The following REV3L variants were observed in gnomAD, a reference collection of about 807,000 sequenced individuals.
The protein encoded by REV3L is DNA polymerase zeta catalytic subunit.
A neutral mutation model predicts 299.4 loss-of-function variants in REV3L; 69 were observed. The ratio of observed to expected loss-of-function variants is 0.23; its 90% CI spans 0.19 to 0.28. The LOEUF (loss-of-function observed/expected upper bound fraction) is 0.28, where lower values mean the gene tolerates loss of function less well. Ranked by LOEUF, REV3L falls within the 10% of genes least tolerant of loss-of-function variation. The probability of loss-of-function intolerance (pLI) is 1.00; values close to 1 mark genes in which losing one functional copy is unlikely to be tolerated. For missense variants in REV3L, 3,128 were observed against 3,693.8 expected (o/e 0.85, Z 3.97); for synonymous variants, 1,238 against 1,271.4 (o/e 0.97, Z 0.56).
intron 1 of REV3L, among the ~76,000 whole-genome samples, chr6:111,443,979 T>G (rs1315008721): frequency 6.6e-6 from 1 of 152,170 alleles, no homozygotes; most frequent in Non-Finnish European, 1.5e-5. Context: ...TTTTAAATAT[T>G]CCAAACCAAA....
intron 10 of REV3L, 114 bp from the exon 11 acceptor site, chr6:111,380,333 C>T (rs192945964): frequency 2.9e-6 from 2 of 698,224 alleles, no homozygotes; most frequent in Admixed American, 2.7e-5. Context: ...GATCTAGGCT[C>T]ACTGCAAGCT....
intron 9 of REV3L, among the ~76,000 whole-genome samples, chr6:111,386,154 A>G (rs1484082723): frequency 6.6e-6 from 1 of 152,218 alleles, no homozygotes; most frequent in African/African-American, 2.4e-5. Flanking sequence ...TCACTCTTCT[A>G]CATGTGTTTG....
At chr6:111,371,811 C>T (rs905161384) in intron 13 of REV3L, among the ~76,000 whole-genome samples, 3 of 151,842 alleles carry the variant, frequency 2.0e-5, no homozygotes, top group Non-Finnish European at 4.4e-5. Flanking sequence ...TGATCTGCCC[C>T]CCTCGGCCTC....
intron 1 of REV3L, among the ~76,000 whole-genome samples, chr6:111,472,717 T>A (rs1204769601): frequency 1.3e-5 from 2 of 152,216 alleles, no homozygotes; most frequent in Non-Finnish European, 2.9e-5. Flanking sequence ...CAAAGTATTT[T>A]TCATTTATAA....
At chr6:111,393,241 C>T (rs777463245) in intron 4 of REV3L, among the ~76,000 whole-genome samples, 3 of 152,044 alleles carry the variant, frequency 2.0e-5, no homozygotes, top group Non-Finnish European at 2.9e-5. Context: ...AGGATGGTCT[C>T]GATCTGACCT....
At chr6:111,389,289 T>C (rs920134968) in intron 6 of REV3L, 79 bp from the exon 7 acceptor site, 1 of 1,023,128 alleles carries the variant, frequency 9.8e-7, no homozygotes, top group Non-Finnish European at 1.5e-6. Context: ...CTTTAACAAA[T>C]ACTGCCTTTA....
chr6:111,437,317 T>C (rs1028039103), intron 1 of REV3L, among the ~76,000 whole-genome samples: 16 of 152,050 alleles, frequency 1.1e-4, no homozygotes, highest in Non-Finnish European at 1.9e-4. Flanking sequence ...TTCATAATGG[T>C]CAAAAGGTGA....
intron 3 of REV3L, among the ~76,000 whole-genome samples, chr6:111,410,541 C>T (rs1784141132): frequency 6.6e-6 from 1 of 152,094 alleles, no homozygotes; most frequent in Non-Finnish European, 1.5e-5. Context: ...TTTTGTACTC[C>T]ACGAATATGA....
At chr6:111,350,415 C>T (rs1203441095) in intron 19 of REV3L, among the ~76,000 whole-genome samples, 1 of 151,794 alleles carries the variant, frequency 6.6e-6, no homozygotes, top group Non-Finnish European at 1.5e-5. Context: ...GTTCTATTAT[C>T]CCTATTTTAC....
chr6:111,420,896 CT>C (rs1182485639), intron 1 of REV3L, among the ~76,000 whole-genome samples: 1 of 152,130 alleles, frequency 6.6e-6, no homozygotes, highest in African/African-American at 2.4e-5. Context: ...AATCCCAGCA[CT>C]TTGGGGGCTG....
intron 12 of REV3L, 73 bp from the exon 13 acceptor site, chr6:111,376,830 A>C: frequency 8.2e-7 from 1 of 1,213,144 alleles, no homozygotes; most frequent in Non-Finnish European, 1.1e-6. Context: ...CCACACCAAG[A>C]TATTAATGCT....
At chr6:111,330,567 C>T (rs904587216) in intron 24 of REV3L, among the ~76,000 whole-genome samples, 2 of 152,106 alleles carry the variant, frequency 1.3e-5, no homozygotes, top group African/African-American at 2.4e-5. Context: ...GCTTTACACA[C>T]TGGGTCCAAA....
At chr6:111,451,600 C>T (rs1299289969) in intron 1 of REV3L, among the ~76,000 whole-genome samples, 1 of 152,064 alleles carries the variant, frequency 6.6e-6, no homozygotes, top group Non-Finnish European at 1.5e-5. Context: ...GATACTCTGC[C>T]TATATTTAAA....
chr6:111,333,965 G>A (rs1775659002), intron 22 of REV3L, among the ~76,000 whole-genome samples: 1 of 152,008 alleles, frequency 6.6e-6, no homozygotes, highest in African/African-American at 2.4e-5. Flanking sequence ...TTGAGATGAA[G>A]TCTCGCTCTG....
At chr6:111,378,532 G>T (rs1780527369) in intron 11 of REV3L, among the ~76,000 whole-genome samples, 1 of 152,118 alleles carries the variant, frequency 6.6e-6, no homozygotes, top group Non-Finnish European at 1.5e-5. Flanking sequence ...AGAGGTATCA[G>T]AGGTCCAGTC....
Position 111,373,221 on chromosome 6 carries a change from T to G in REV3L, c.5134A>C (p.Thr1712Pro), listed in dbSNP as rs1251272800. The change falls in exon 13 of 32, where the codon ACA (threonine) becomes CCA (proline). Residue 1712 changes from threonine (T) to proline (P), a missense_variant. Thr to Pro is a conservative substitution (Grantham distance 38, BLOSUM62 -1). This residue lies in a region of REV3L where 2,409 missense variants were observed against 2,611.8 expected (regional missense o/e 0.92). Coordinates refer to ENST00000368802, the MANE Select transcript of REV3L (RefSeq NM_001372078.1). ...QKCDEDKHHT[T>P]DSASWIRSGT... ...GATCTAATCCATGAGGCTGAGTCTGTGGTATGATGCTTGTCTTCATCACAT... is the reference window on the plus strand; with the variant it reads ...GATCTAATCCATGAGGCTGAGTCTGGGGTATGATGCTTGTCTTCATCACAT... 3 of 1,614,122 alleles carry G rather than the reference T, an allele frequency of 1.9e-6. No individual in the cohort carries two copies. Among genetic ancestry groups the G allele is most frequent in the Admixed American group, 3.3e-5 (2 of 60,030 alleles).
chr6:111,476,345 T>C lies in REV3L; in HGVS notation c.139+6405A>G, dbSNP rs533819341. 3.9e-5 allele frequency among the ~76,000 whole-genome samples: 6 copies of C among 152,200 alleles called. No individual in the cohort carries two copies. The South Asian group carries it at 1.2e-3, about 32-fold the overall frequency. ...TAACTTTTGTATTTTTTTGTAGAGA[T>C]AGCGTCTTTCCATGTTGCCCAGGCT... On this transcript the variant is annotated intron_variant, in intron 1 of 31. Coordinates refer to ENST00000368802, the MANE Select transcript of REV3L (RefSeq NM_001372078.1).
intron 1 of REV3L, among the ~76,000 whole-genome samples, chr6:111,450,821 T>C (rs998134562): frequency 2.0e-5 from 3 of 152,224 alleles, no homozygotes; most frequent in African/African-American, 7.2e-5. Context: ...GGTTATCATA[T>C]CCGCTTTTGT....
chr6:111,326,162 A>G (rs1774778486), intron 25 of REV3L, among the ~76,000 whole-genome samples: 1 of 152,212 alleles, frequency 6.6e-6, no homozygotes, highest in South Asian at 2.1e-4. Context: ...AAGCTTCTGC[A>G]CAGTAAAGGA....
Sources: gnomAD v4.1 joint callset for allele counts (sites outside exome capture counted in the v4.1 genomes callset) on GRCh38, gnomAD v4.1.1 for gene constraint, gnomAD v4.1.1 regional missense constraint, MANE v1.5 for transcripts, NCBI Gene and HGNC (gene_info 2026-07-23, HGNC 2026-07-21) for gene names.